The following INPP4B variants were observed in gnomAD, a reference collection of about 807,000 sequenced individuals.
The protein encoded by INPP4B is inositol polyphosphate 4-phosphatase type II.
In INPP4B, 55 loss-of-function variants were observed where a neutral mutation model predicts 122.5. The ratio of observed to expected loss-of-function variants is 0.45; its 90% confidence interval spans 0.36 to 0.56. INPP4B has a LOEUF of 0.56. Among genes scored for constraint, INPP4B ranks in the 20% least tolerant of loss-of-function variants. The pLI is 0.00. For synonymous variants in INPP4B, 403 were observed against 388.7 expected (o/e 1.04, Z -0.43); for missense variants, 1,000 against 1,097.7 (o/e 0.91, Z 1.26).
At chr4:142,627,826 G>A (rs1746850993) in intron 2 of INPP4B, among the ~76,000 whole-genome samples, 1 of 152,088 alleles carries the variant, frequency 6.6e-6, no homozygotes, top group Non-Finnish European at 1.5e-5. Context: ...CAGAAGAAAT[G>A]GTACCAGTTC....
At chr4:142,216,620 C>G (rs1446506587) in intron 12 of INPP4B, among the ~76,000 whole-genome samples, 1 of 152,110 alleles carries the variant, frequency 6.6e-6, no homozygotes, top group African/African-American at 2.4e-5. Flanking sequence ...ATCGTTTTGT[C>G]TTACTGTGTT....
intron 5 of INPP4B, chr4:142,426,444 A>G (rs1353450562): frequency 6.6e-6 from 1 of 152,030 alleles, no homozygotes; most frequent in Non-Finnish European, 1.5e-5. Context: ...AAGAGTATTA[A>G]CACAAAGAAA....
At chr4:142,825,504 T>C (rs918908693) in intron 1 of INPP4B, among the ~76,000 whole-genome samples, 4 of 152,144 alleles carry the variant, frequency 2.6e-5, no homozygotes, top group African/African-American at 4.8e-5. Flanking sequence ...TCATATATCA[T>C]TGAAAATCAA....
intron 2 of INPP4B, among the ~76,000 whole-genome samples, chr4:142,522,861 C>T (rs1347074377): frequency 1.3e-5 from 2 of 152,086 alleles, no homozygotes; most frequent in Non-Finnish European, 2.9e-5. Flanking sequence ...TATTATTTAA[C>T]AAGCTACTAT....
chr4:142,378,198 TAGTA>T (rs1345888681), intron 7 of INPP4B, among the ~76,000 whole-genome samples: 2 of 152,136 alleles, frequency 1.3e-5, no homozygotes, highest in African/African-American at 4.8e-5. Flanking sequence ...CAAAGTCACA[TAGTA>T]AGCAGCCGAT....
chr4:142,115,285 C>T (rs1236715920), intron 21 of INPP4B, among the ~76,000 whole-genome samples: 2 of 152,132 alleles, frequency 1.3e-5, no homozygotes, highest in Admixed American at 1.3e-4. Flanking sequence ...GGCAGGCCAA[C>T]ATTCAAATTC....
chr4:142,714,369 G>A (rs758340106), intron 2 of INPP4B, among the ~76,000 whole-genome samples: 1 of 152,120 alleles, frequency 6.6e-6, no homozygotes, highest in Non-Finnish European at 1.5e-5. Flanking sequence ...TTCCTCACAC[G>A]TTGACATAAA....
At chr4:142,810,329 G>A (rs1779354221) in intron 1 of INPP4B, among the ~76,000 whole-genome samples, 1 of 152,080 alleles carries the variant, frequency 6.6e-6, no homozygotes, top group African/African-American at 2.4e-5. Context: ...CAGTGAGGCT[G>A]CCACTTATTA....
At position 142,402,916 on chromosome 4, in the gene INPP4B, A is replaced by G. The variant is rs1383598764; in HGVS notation, c.372+22T>C. The G allele has an allele frequency of 7.0e-5, 82 of 1,171,162 alleles. No individual in the cohort carries two copies. In the Admixed American group the frequency reaches 1.4e-3, roughly 19 times the overall value. The allele number at this position is 1,171,162 out of a possible 1,614,324, so 72.5% of individuals were successfully genotyped here. The stretch of plus-strand genomic sequence containing the variant: ...AAAAGCATAACTTTTTCCCAAAGAA[A>G]GAAAGAAGTACCAGTACTTACGGTG... On this transcript the variant is annotated intron_variant, in intron 7 of 25. Transcript: ENST00000262992.
chr4:142,783,539 C>T (rs780429804), intron 1 of INPP4B, among the ~76,000 whole-genome samples: 2 of 152,120 alleles, frequency 1.3e-5, no homozygotes, highest in Non-Finnish European at 2.9e-5. Flanking sequence ...ATTGACCTGG[C>T]TTCCTTTCCC....
At chr4:142,700,897 A>G (rs1342917468) in intron 2 of INPP4B, among the ~76,000 whole-genome samples, 1 of 152,188 alleles carries the variant, frequency 6.6e-6, no homozygotes, top group African/African-American at 2.4e-5. Context: ...TGATACCCAG[A>G]TGATTTAAAC....
intron 2 of INPP4B, among the ~76,000 whole-genome samples, chr4:142,472,668 T>G (rs1298675488): frequency 6.6e-6 from 1 of 152,172 alleles, no homozygotes; most frequent in East Asian, 1.9e-4. Flanking sequence ...TTTTTTCCTT[T>G]GAGTCTGTAT....
intron 25 of INPP4B, among the ~76,000 whole-genome samples, chr4:142,039,432 A>G (rs77571460): frequency 0.014 from 2,179 of 152,280 alleles, 27 homozygotes; most frequent in Non-Finnish European, 0.018. Context: ...CCGAGAAAAT[A>G]GGAATATCCT....
At chr4:142,499,625 A>G (rs1456308928) in intron 2 of INPP4B, among the ~76,000 whole-genome samples, 2 of 152,158 alleles carry the variant, frequency 1.3e-5, no homozygotes, top group African/African-American at 4.8e-5. Flanking sequence ...GAATTGTTTT[A>G]TCAAGAAACT....
At chr4:142,738,787 A>G (rs564301594) in intron 1 of INPP4B, among the ~76,000 whole-genome samples, 58 of 152,252 alleles carry the variant, frequency 3.8e-4, no homozygotes, top group African/African-American at 1.4e-3. Flanking sequence ...GTAAATGTCT[A>G]TGAGCGTTCC....
intron 25 of INPP4B, among the ~76,000 whole-genome samples, chr4:142,033,140 T>C (rs1364688223): frequency 6.6e-6 from 1 of 152,192 alleles, no homozygotes; most frequent in Non-Finnish European, 1.5e-5. Flanking sequence ...AAGGAGGCTT[T>C]TAGCACATGC....
intron 16 of INPP4B, among the ~76,000 whole-genome samples, chr4:142,170,258 T>A (rs973365945): frequency 4.6e-5 from 7 of 151,758 alleles, no homozygotes; most frequent in African/African-American, 9.7e-5. Context: ...TTTCATGAAC[T>A]AATATGCAAC....
intron 3 of INPP4B, among the ~76,000 whole-genome samples, chr4:142,437,839 C>A (rs1215084830): frequency 6.6e-6 from 1 of 152,080 alleles, no homozygotes; most frequent in Non-Finnish European, 1.5e-5. Flanking sequence ...GAAGTCAAAT[C>A]CCTGAATATA....
intron 2 of INPP4B, among the ~76,000 whole-genome samples, chr4:142,705,550 C>G (rs1447669163): frequency 1.3e-5 from 2 of 151,774 alleles, no homozygotes; most frequent in Non-Finnish European, 2.9e-5. Flanking sequence ...TCTCTTCAGC[C>G]ATTCTACCAC....
Sources: gnomAD v4.1 joint callset for allele counts (sites outside exome capture counted in the v4.1 genomes callset) on GRCh38, gnomAD v4.1.1 for gene constraint, MANE v1.5 for transcripts, NCBI Gene and HGNC (gene_info 2026-07-23, HGNC 2026-07-21) for gene names.